The following UGT2B17 variants were observed in gnomAD, a reference collection of about 807,000 sequenced individuals.
The protein encoded by UGT2B17 is UDP-glucuronosyltransferase 2B17.
In UGT2B17, 21 loss-of-function variants were observed where a neutral mutation model predicts 48.2. The ratio of observed to expected loss-of-function variants is 0.44; its 90% confidence interval spans 0.31 to 0.63. The LOEUF (loss-of-function observed/expected upper bound fraction) is 0.63. Among genes scored for constraint, UGT2B17 ranks in the 20% least tolerant of loss-of-function variants. The pLI is 0.08. For missense variants in UGT2B17, 402 were observed against 696.1 expected, an observed-to-expected ratio of 0.58 and a Z score of 4.75; for synonymous variants, 146 against 238.4, an observed-to-expected ratio of 0.61 and a Z score of 3.57.
At chr4:68,543,216 GC>G (rs1166288857) in intron 6 of UGT2B17, among the ~76,000 whole-genome samples, 1 of 125,384 alleles carries the variant, frequency 8.0e-6, no homozygotes, top group Non-Finnish European at 1.7e-5. Flanking sequence ...ACCTCACACA[GC>G]CGGGTACTCC....
chr4:68,550,718 T>C lies in UGT2B17; in HGVS notation c.1272A>G (p.Arg424=), dbSNP rs1730898860. The C allele has an allele frequency of 2.2e-6, 3 of 1,380,412 alleles. 1 individual carries two copies. In the Admixed American group the frequency reaches 6.0e-5, roughly 28 times the overall value. The allele number at this position is 1,380,412 out of a possible 1,614,324, so 85.5% of individuals were successfully genotyped here. A position where few individuals can be genotyped will look rare whatever the true frequency, so the allele number is the denominator to read the frequency against. The change falls in exon 6 of 7, where the codon AGA becomes AGG. Residue 424 remains arginine (R), a synonymous_variant. Transcript: ENST00000317746. ...CTGACTTCAATGCATTGAGCAAATC[T>C]CTACTTGACATGGTCCTGATGTCCA... ...LSVDIRTMSS[R]DLLNALKSVI... is the part of the protein sequence containing the mutation.
In UGT2B17 at chr4:68,568,516, G is replaced by A. The variant is rs1226988260; in HGVS notation, c.-32C>T. The A allele has an allele frequency of 3.1e-6, 4 of 1,287,454 alleles. 1 individual carries two copies. In the African/African-American group the frequency reaches 6.2e-5, roughly 20 times the overall value. The allele number at this position is 1,287,454 out of a possible 1,614,324, so 79.8% of individuals were successfully genotyped here. On this transcript the variant is annotated 5_prime_UTR_variant, in exon 2 of 7. It introduces an in-frame stop codon into an upstream open reading frame of the 5' UTR. Coordinates refer to ENST00000317746, the MANE Select transcript of UGT2B17 (RefSeq NM_001077.4). ...CTTATGCAGTGCTTCTTTTCCAGTT[G>A]TTGTTTCTTTCTGTCATTTCTCATA...
At position 68,576,303 on chromosome 4, in the gene UGT2B17, C is replaced by G. The variant is rs1274623237; in HGVS notation, c.-417G>C. On this transcript the variant is annotated 5_prime_UTR_variant, in exon 1 of 7. Coordinates refer to ENST00000317746, the MANE Select transcript of UGT2B17 (RefSeq NM_001077.4). The stretch of plus-strand genomic sequence containing the variant: ...TTCAGCTGGGAACATTGGCAAGATA[C>G]TGCCTTAAAATCTGAGCTCCCCGAG... Among the ~76,000 whole-genome samples, 1 of 126,168 alleles carries G rather than the reference C, an allele frequency of 7.9e-6. No individual in the cohort carries two copies. Among genetic ancestry groups the G allele is most frequent in the Non-Finnish European group, 1.7e-5 (1 of 59,536 alleles). The allele number at this position is 126,168 out of a possible 152,430, so 82.8% of individuals were successfully genotyped here.
At position 68,548,079 on chromosome 4, in the gene UGT2B17, A is replaced by T. The variant is rs1231298203; in HGVS notation, c.1313+2598T>A. Among the ~76,000 whole-genome samples, 2 of 127,126 alleles carry T rather than the reference A, an allele frequency of 1.6e-5. 1 individual carries two copies. Among genetic ancestry groups the T allele is most frequent in the Non-Finnish European group, 3.3e-5 (2 of 59,828 alleles). The allele number at this position is 127,126 out of a possible 152,430, so 83.4% of individuals were successfully genotyped here. Reference sequence around the variant, plus strand: ...ATCTAGCATTCCCATTACTGGGTATATACCCAAAGGGTTATAAATCATGCT... The same window carrying T: ...ATCTAGCATTCCCATTACTGGGTATTTACCCAAAGGGTTATAAATCATGCT... On this transcript the variant is annotated intron_variant, in intron 6 of 6. Transcript: ENST00000317746.
At chr4:68,556,571 T>C (rs2109769553) in intron 4 of UGT2B17, among the ~76,000 whole-genome samples, 1 of 126,206 alleles carries the variant, frequency 7.9e-6, no homozygotes, top group Non-Finnish European at 1.7e-5. Flanking sequence ...AAAGACACAC[T>C]AATGCAAGAC....
At chr4:68,551,702 A>T in intron 5 of UGT2B17, 122 bp downstream of exon 5, 1 of 716,268 alleles carries the variant, frequency 1.4e-6, no homozygotes, top group Non-Finnish European at 1.9e-6. Context: ...TAAAGTAGTT[A>T]AATTTGATTT....
chr4:68,564,290 A>ATTTTTTTTT (rs1413452406), intron 3 of UGT2B17, among the ~76,000 whole-genome samples: 2 of 89,660 alleles, frequency 2.2e-5, no homozygotes, highest in African/African-American at 1.1e-4. Flanking sequence ...ATATATATAT[A>ATTTTTTTTT]TATATTTTTT....
rs1469058725 is a variant in UGT2B17, at chr4:68,544,468, T to C, written c.1313+6209A>G. 1.6e-5 allele frequency among the ~76,000 whole-genome samples: 2 copies of C among 125,654 alleles called. 1 individual carries two copies. Among genetic ancestry groups the C allele is most frequent in the Non-Finnish European group, 3.4e-5 (2 of 59,414 alleles). The allele number at this position is 125,654 out of a possible 152,430, so 82.4% of individuals were successfully genotyped here. On this transcript the variant is annotated intron_variant, in intron 6 of 6. Coordinates refer to ENST00000317746, the MANE Select transcript of UGT2B17 (RefSeq NM_001077.4). ...AGCACTAAACATGGAAAGGAACAAC[T>C]GGTACCAGCCACTGCAAAAACATGC... is the stretch of plus-strand genomic sequence containing the variant.
Position 68,551,888 on chromosome 4 carries a change from C to G in UGT2B17, c.1029G>C (p.Lys343Asn), listed in dbSNP as rs150513792. The G allele has an allele frequency of 5.9e-4, 800 of 1,363,248 alleles. 169 individuals carry two copies. In the African/African-American group the frequency reaches 0.011, roughly 18 times the overall value. 84.4% of individuals were successfully genotyped at this position (1,363,248 alleles called of 1,614,324 possible). ...TATTGGAACCTAAAGTATTTGGCTT[C>G]TTGCCATCAAATCTCCATAGAACCT... ...PQKVLWRFDG[K>N]KPNTLGSNTR... Residue 343 changes from lysine (K) to asparagine (N), a missense_variant, in exon 5 of 7, where the codon AAG (lysine) becomes AAC (asparagine). Physicochemically the swap from Lys to Asn is moderately conservative, Grantham distance 94. This residue lies in a region of UGT2B17 where 156 missense variants were observed against 258.6 expected (regional missense o/e 0.60). Transcript: ENST00000317746.
intron 6 of UGT2B17, among the ~76,000 whole-genome samples, chr4:68,539,717 A>G (rs1426082469): frequency 8.2e-6 from 1 of 121,654 alleles, no homozygotes; most frequent in African/African-American, 2.8e-5. Context: ...ATCTTATACA[A>G]TTTACTTAGC....
chr4:68,549,466 A>C lies in UGT2B17; in HGVS notation c.1313+1211T>G, dbSNP rs772966629. On this transcript the variant is annotated intron_variant, in intron 6 of 6. Transcript: ENST00000317746. ...CTTATGAATCCATAATAAGGTAAAT[A>C]GAAAAATGACAAAATGTTCACAAGA... is the stretch of plus-strand genomic sequence containing the variant. 5.2e-4 allele frequency among the ~76,000 whole-genome samples: 65 copies of C among 125,674 alleles called. 16 individuals carry two copies. The highest frequency in any genetic ancestry group is 6.7e-5 in the Non-Finnish European group (4 of 59,426). The allele number at this position is 125,674 out of a possible 152,430, so 82.4% of individuals were successfully genotyped here.
At chr4:68,554,752 G>T (rs1730972882) in intron 4 of UGT2B17, among the ~76,000 whole-genome samples, 1 of 125,298 alleles carries the variant, frequency 8.0e-6, no homozygotes, top group African/African-American at 2.7e-5. Context: ...CACCTGAATG[G>T]TTTCTTTTAA....
At position 68,549,688 on chromosome 4, in the gene UGT2B17, T is replaced by A; in HGVS notation, c.1313+989A>T. Among the ~76,000 whole-genome samples the A allele has an allele frequency of 1.6e-5, 2 of 125,634 alleles. 1 individual carries two copies. Among genetic ancestry groups the A allele is most frequent in the East Asian group, 1.5e-3 (2 of 1,320 alleles). 82.4% of individuals were successfully genotyped at this position (125,634 alleles called of 152,430 possible). A position where few individuals can be genotyped will look rare whatever the true frequency, so the allele number is the denominator to read the frequency against. Reference sequence around the variant, plus strand: ...GAGTGTGAAGAAATTAGAGCCCTCCTATCCAGCTGGTGGTAATGAAAAATG... The same window carrying A: ...GAGTGTGAAGAAATTAGAGCCCTCCAATCCAGCTGGTGGTAATGAAAAATG... On this transcript the variant is annotated intron_variant, in intron 6 of 6. Coordinates refer to ENST00000317746, the MANE Select transcript of UGT2B17 (RefSeq NM_001077.4).
intron 1 of UGT2B17, among the ~76,000 whole-genome samples, chr4:68,570,557 T>C (rs1262925730): frequency 8.0e-6 from 1 of 125,740 alleles, no homozygotes; most frequent in Non-Finnish European, 1.7e-5. Flanking sequence ...CTTCCTTCAT[T>C]CCCCCCTTTT....
chr4:68,573,991 A>C (rs28799000), intron 1 of UGT2B17, among the ~76,000 whole-genome samples: 7,094 of 126,146 alleles, frequency 0.056, 1,727 homozygotes, highest in African/African-American at 0.19. Context: ...AGCTACCATC[A>C]GGCCCACACC....
chr4:68,552,693 T>A (rs1201387251), intron 4 of UGT2B17, among the ~76,000 whole-genome samples: 2 of 125,852 alleles, frequency 1.6e-5, no homozygotes, highest in African/African-American at 5.4e-5. Context: ...CTGTCAGTGC[T>A]TGGTACCAGC....
chr4:68,551,866 T>C lies in UGT2B17; in HGVS notation c.1051A>G (p.Asn351Asp), dbSNP rs1730920135. The C allele has an allele frequency of 1.5e-6, 2 of 1,367,176 alleles. 1 individual carries two copies. Among genetic ancestry groups the C allele is most frequent in the South Asian group, 3.4e-5 (2 of 58,292 alleles). The allele number at this position is 1,367,176 out of a possible 1,614,324, so 84.7% of individuals were successfully genotyped here. A position where few individuals can be genotyped will look rare whatever the true frequency, so the allele number is the denominator to read the frequency against. ...GGTAACCACTTATACAGTCGAGTAT[T>C]GGAACCTAAAGTATTTGGCTTCTTG... ...DGKKPNTLGS[N>D]TRLYKWLPQN... Residue 351 changes from asparagine to aspartate, a missense_variant, in exon 5 of 7, where the codon AAT becomes GAT. By Grantham distance (23) the Asn-to-Asp change is conservative. Coordinates refer to ENST00000317746, the MANE Select transcript of UGT2B17 (RefSeq NM_001077.4).
rs1162337226 is a variant in UGT2B17, at chr4:68,546,883, C to A, written c.1313+3794G>T. On this transcript the variant is annotated intron_variant, in intron 6 of 6. Transcript: ENST00000317746. ...CCAACTTACAAGGGATGTGAAGGAC[C>A]TCTTCAAGGAGAACTACAAACCACT... Among the ~76,000 whole-genome samples, 2 of 123,840 alleles carry A rather than the reference C, an allele frequency of 1.6e-5. 1 individual carries two copies. Among genetic ancestry groups the A allele is most frequent in the Non-Finnish European group, 3.4e-5 (2 of 58,770 alleles). The allele number at this position is 123,840 out of a possible 152,430, so 81.2% of individuals were successfully genotyped here. A position where few individuals can be genotyped will look rare whatever the true frequency, so the allele number is the denominator to read the frequency against.
Position 68,565,257 on chromosome 4 carries a change from T to C in UGT2B17, c.873+315A>G, listed in dbSNP as rs1358505908. Among the ~76,000 whole-genome samples the C allele has an allele frequency of 1.6e-5, 2 of 126,458 alleles. 1 individual carries two copies. The highest frequency in any genetic ancestry group is 3.4e-5 in the Non-Finnish European group (2 of 59,674). 83.0% of individuals were successfully genotyped at this position (126,458 alleles called of 152,430 possible). On this transcript the variant is annotated intron_variant, in intron 3 of 6. Transcript: ENST00000317746. ...CTTTATTCTCTGAAAATCCAGCACT[T>C]ACCTGTGGTTTGCATTAATCACTCT...
Sources: allele counts gnomAD v4.1 joint callset (sites outside exome capture counted in the v4.1 genomes callset), GRCh38; gene constraint gnomAD v4.1.1; regional missense constraint gnomAD v4.1.1; transcripts MANE v1.5; gene names NCBI Gene and HGNC (gene_info 2026-07-23, HGNC 2026-07-21).